Variants in SPRY3 observed in about 807,000 individuals in gnomAD.
SPRY3 encodes the protein sprouty RTK signaling antagonist 3, also known as protein sprouty homolog 3.
SPRY3 carries 15 observed loss-of-function variants against 20.2 expected under a neutral mutation model. The ratio of observed to expected loss-of-function variants is 0.74; its 90% confidence interval spans 0.50 to 1.14. The LOEUF is 1.14. SPRY3 is among the 50% of genes most tolerant of loss of function. The pLI, the probability that SPRY3 is intolerant of heterozygous loss-of-function variation, is 0.00. For missense variants in SPRY3, 364 were observed against 363.9 expected, an observed-to-expected ratio of 1.00 and a Z score of 0.00; for synonymous variants, 143 against 136.5, an observed-to-expected ratio of 1.05 and a Z score of -0.33.
chrX:155,678,866 T>C (rs886728137), intron 2 of SPRY3, among the ~76,000 whole-genome samples: 6 of 112,214 alleles, frequency 5.3e-5, no homozygotes, highest in Admixed American at 4.7e-4. Context: ...AATGAGTTCT[T>C]TTACACTCTG....
intron 2 of SPRY3, among the ~76,000 whole-genome samples, chrX:155,657,933 C>T (rs372665097): frequency 9.1e-6 from 1 of 109,669 alleles, no homozygotes; most frequent in Admixed American, 9.5e-5. Context: ...GTGGGCTGCA[C>T]CCGCTGCCTA....
intron 2 of SPRY3, among the ~76,000 whole-genome samples, chrX:155,704,696 A>G (rs1045245437): frequency 7.9e-5 from 12 of 151,576 alleles, no homozygotes; most frequent in South Asian, 2.1e-4. Context: ...ATGACTTTTT[A>G]AAAACCAAAC....
intron 2 of SPRY3, among the ~76,000 whole-genome samples, chrX:155,749,113 A>C (rs2091245294): frequency 6.6e-6 from 1 of 151,954 alleles, no homozygotes; most frequent in Admixed American, 6.6e-5. Flanking sequence ...GGATCCATAA[A>C]ATAAAAATAA....
intron 2 of SPRY3, among the ~76,000 whole-genome samples, chrX:155,756,432 A>G (rs961683767): frequency 6.6e-6 from 1 of 152,180 alleles, no homozygotes; most frequent in Non-Finnish European, 1.5e-5. Context: ...TCCATGGTAC[A>G]CATCTGGCAT....
rs2067922296 is a variant in SPRY3 at position 155,636,038 on chromosome X, G to C, written c.-440-20829G>C. On this transcript the variant is annotated intron_variant, in intron 1 of 3. Coordinates refer to ENST00000675360, the Ensembl canonical transcript of SPRY3. The stretch of plus-strand genomic sequence containing the variant: ...CTCAATAACTCACTTAAAGAATTTT[G>C]GTTCTTGTTCTGGTAAATTTGAGCA... Among the ~76,000 whole-genome samples the C allele has an allele frequency of 2.7e-5, 3 of 112,133 alleles. No individual in the cohort carries two copies. In the South Asian group the frequency reaches 1.1e-3, roughly 42 times the overall value.
chrX:155,768,434 C>A (rs1314823304), intron 3 of SPRY3, among the ~76,000 whole-genome samples: 1 of 152,070 alleles, frequency 6.6e-6, no homozygotes, highest in Non-Finnish European at 1.5e-5. Context: ...CCTTTAAATG[C>A]ATTTTGGTAC....
At chrX:155,767,641 G>C (rs1371560095) in intron 2 of SPRY3, among the ~76,000 whole-genome samples, 1 of 148,690 alleles carries the variant, frequency 6.7e-6, no homozygotes, top group African/African-American at 2.5e-5. Flanking sequence ...GGAGGGGGAG[G>C]GGGAAGAGAA....
intron 3 of SPRY3, among the ~76,000 whole-genome samples, chrX:155,770,885 G>C (rs1191013245): frequency 6.6e-6 from 1 of 152,108 alleles, no homozygotes; most frequent in Non-Finnish European, 1.5e-5. Flanking sequence ...AGCCAGATCA[G>C]ATTCAGCATG....
Position 155,747,032 on chromosome X carries a change from A to G in SPRY3, c.-281-20930A>G, listed in dbSNP as rs954889815. On this transcript the variant is annotated intron_variant, in intron 2 of 3. Transcript: ENST00000675360. Reference sequence around the variant, plus strand: ...CAAGTAAACTTTCAGCCCTCAAATGACCTCAGTATTACATCCTTCCTGAAG... The same window carrying G: ...CAAGTAAACTTTCAGCCCTCAAATGGCCTCAGTATTACATCCTTCCTGAAG... Among the ~76,000 whole-genome samples, 36 of 151,938 alleles carry G rather than the reference A, an allele frequency of 2.4e-4. No individual in the cohort carries two copies. The East Asian group carries it at 3.7e-3, about 16-fold the overall frequency.
intron 2 of SPRY3, among the ~76,000 whole-genome samples, chrX:155,667,950 A>G (rs1406887118): frequency 1.8e-5 from 2 of 111,262 alleles, no homozygotes; most frequent in East Asian, 2.8e-4. Flanking sequence ...AAATTAAACA[A>G]TAGACTCCAA....
In SPRY3 at chrX:155,772,097, C is replaced by A. The variant is rs191359432; in HGVS notation, c.-106-1669C>A. 2.1e-4 allele frequency among the ~76,000 whole-genome samples: 32 copies of A among 152,178 alleles called. 1 individual carries two copies. The East Asian group carries it at 6.2e-3, about 29-fold the overall frequency. On this transcript the variant is annotated intron_variant, in intron 3 of 3. Coordinates refer to ENST00000675360, the Ensembl canonical transcript of SPRY3. Reference sequence around the variant, plus strand: ...AGTTTCCATAATATTTATTTGCATTCTCTTATGCTGCATTTATTTAACACC... The same window carrying A: ...AGTTTCCATAATATTTATTTGCATTATCTTATGCTGCATTTATTTAACACC...
chrX:155,672,946 G>A (rs782702733), intron 2 of SPRY3, among the ~76,000 whole-genome samples: 3 of 104,466 alleles, frequency 2.9e-5, no homozygotes, highest in Non-Finnish European at 5.9e-5. Flanking sequence ...ATCATCATTC[G>A]TAGTAAACTA....
At chrX:155,757,053 T>C (rs1478962644) in intron 2 of SPRY3, among the ~76,000 whole-genome samples, 3 of 152,138 alleles carry the variant, frequency 2.0e-5, no homozygotes, top group African/African-American at 7.2e-5. Context: ...GAGAGATCTT[T>C]TTAAAATCAC....
chrX:155,733,715 T>G (rs2091149895), intron 2 of SPRY3, among the ~76,000 whole-genome samples: 1 of 152,140 alleles, frequency 6.6e-6, no homozygotes, highest in Non-Finnish European at 1.5e-5. Context: ...GATGGCATAT[T>G]CTTCCAACAG....
chrX:155,635,862 A>T (rs1445202809), intron 1 of SPRY3, among the ~76,000 whole-genome samples: 2 of 112,111 alleles, frequency 1.8e-5, no homozygotes, highest in African/African-American at 3.2e-5. Flanking sequence ...ATACCATGGA[A>T]TTAATTTGAC....
At position 155,769,778 on chromosome X, in the gene SPRY3, CAAGTT is replaced by C. The variant is rs1343287387; in HGVS notation, c.-107+1646_-107+1650del. 2.6e-5 allele frequency among the ~76,000 whole-genome samples: 4 copies of C among 152,158 alleles called. No homozygotes were observed. The South Asian group carries it at 6.2e-4, about 24-fold the overall frequency. On this transcript the variant is annotated intron_variant, in intron 3 of 3. Transcript: ENST00000675360. ...GAATAGGACTAGGGTAGCAAAGTGACAAGTTAAGAGTTAAATGTGGTGAGAACCTG... is the reference window on the plus strand; with the variant it reads ...GAATAGGACTAGGGTAGCAAAGTGACAAGAGTTAAATGTGGTGAGAACCTG...
At chrX:155,674,339 T>C (rs1485281567) in intron 2 of SPRY3, among the ~76,000 whole-genome samples, 2 of 109,714 alleles carry the variant, frequency 1.8e-5, no homozygotes, top group Non-Finnish European at 3.8e-5. Flanking sequence ...AGATTTTCCT[T>C]TTATTTTCTC....
chrX:155,709,610 G>T, intron 2 of SPRY3, among the ~76,000 whole-genome samples: 1 of 151,628 alleles, frequency 6.6e-6, no homozygotes, highest in East Asian at 1.9e-4. Flanking sequence ...CCATTCTGTG[G>T]GTTGTCTCTT....
chrX:155,774,573 C>G, exon 4 of SPRY3: 1 of 1,614,004 alleles, frequency 6.2e-7, no homozygotes, highest in Non-Finnish European at 8.5e-7. Flanking sequence ...TCCTACCCTG[C>G]CTGTGCTGCT....
Sources: allele counts gnomAD v4.1 joint callset (sites outside exome capture counted in the v4.1 genomes callset), GRCh38; gene constraint gnomAD v4.1.1; transcripts MANE v1.5; gene names NCBI Gene and HGNC (gene_info 2026-07-23, HGNC 2026-07-21).